Variants in NLRP1 observed in about 807,000 individuals in gnomAD.
The protein encoded by NLRP1 is NACHT, LRR and PYD domains-containing protein 1.
A neutral mutation model predicts 136.7 loss-of-function variants in NLRP1; 94 were observed. The ratio of observed to expected loss-of-function variants is 0.69; its 90% CI spans 0.58 to 0.82. The LOEUF (loss-of-function observed/expected upper bound fraction) is 0.82. Ranked by LOEUF, NLRP1 falls within the 40% of genes least tolerant of loss-of-function variation. NLRP1 has a pLI of 0.00. For synonymous variants in NLRP1, 690 were observed against 725.1 expected, an observed-to-expected ratio of 0.95 and a Z score of 0.78; for missense variants, 1,575 against 1,802.7, an observed-to-expected ratio of 0.87 and a Z score of 2.29.
downstream of NLRP1, chr17:5,511,962 G>A: frequency 2.2e-6 from 1 of 460,876 alleles, no homozygotes; most frequent in South Asian, 2.0e-5. Flanking sequence ...CTACAAGGGA[G>A]CCCAGCTGTA....
intron 4 of NLRP1, among the ~76,000 whole-genome samples, chr17:5,558,136 C>T (rs1834190617): frequency 6.6e-6 from 1 of 152,106 alleles, no homozygotes; most frequent in South Asian, 2.1e-4. Flanking sequence ...CAAGCAGGGC[C>T]TGCCCCACAG....
chr17:5,509,135 C>T (rs1315843771), downstream of NLRP1, among the ~76,000 whole-genome samples: 2 of 152,216 alleles, frequency 1.3e-5, no homozygotes, highest in East Asian at 3.9e-4. Context: ...AATAGCACAG[C>T]GTCCATACTA....
At chr17:5,560,246 C>T (rs954850437) in intron 3 of NLRP1, among the ~76,000 whole-genome samples, 2 of 152,222 alleles carry the variant, frequency 1.3e-5, no homozygotes, top group Non-Finnish European at 2.9e-5. Context: ...AAGTCACACT[C>T]CCTGAATGAC....
At chr17:5,581,736 G>A (rs1057496032) in intron 3 of NLRP1, 123 bp downstream of exon 3, 3 of 850,982 alleles carry the variant, frequency 3.5e-6, no homozygotes, top group African/African-American at 1.6e-5. Flanking sequence ...ATTTCCTGAG[G>A]GAAATTTCAG....
intron 7 of NLRP1, among the ~76,000 whole-genome samples, chr17:5,538,004 C>T (rs770285810): frequency 5.9e-5 from 9 of 152,196 alleles, no homozygotes; most frequent in Non-Finnish European, 1.2e-4. Flanking sequence ...CAGGAGAACC[C>T]AAATGTAGAC....
chr17:5,532,501 A>G (rs1910434043), intron 11 of NLRP1, among the ~76,000 whole-genome samples: 1 of 152,214 alleles, frequency 6.6e-6, no homozygotes, highest in Non-Finnish European at 1.5e-5. Flanking sequence ...TGTAACAATA[A>G]CAAAGAGGGG....
At chr17:5,538,657 G>A (rs978005807) in intron 7 of NLRP1, among the ~76,000 whole-genome samples, 2 of 152,102 alleles carry the variant, frequency 1.3e-5, no homozygotes, top group Non-Finnish European at 2.9e-5. Context: ...GTAGGGCAGG[G>A]CCCATGTCTG....
chr17:5,507,133 T>G (rs1238125498), intron 15 of NLRP1, among the ~76,000 whole-genome samples: 1 of 152,064 alleles, frequency 6.6e-6, no homozygotes, highest in Non-Finnish European at 1.5e-5. Context: ...GTACATAATT[T>G]CAATTAAGGA....
rs1216600790 is a variant in NLRP1 at position 5,537,772 on chromosome 17, A to G, written c.2871-832T>C. ...GGTGGAAACCTACTCGGGACTCTAG[A>G]GAGCAAACCCCCTCAGAAGCAGCCC... On this transcript the variant is annotated intron_variant, in intron 7 of 16. Transcript: ENST00000572272. This position sits in a 1 kb window ranked among gnomAD's most constrained non-coding sequence, Gnocchi z 4.5. 6.6e-6 allele frequency among the ~76,000 whole-genome samples: 1 copy of G among 152,194 alleles called. No homozygotes were observed. The highest frequency in any genetic ancestry group is 1.5e-5 in the Non-Finnish European group (1 of 68,022).
At chr17:5,549,311 C>G (rs1268758036) in intron 5 of NLRP1, among the ~76,000 whole-genome samples, 5 of 151,452 alleles carry the variant, frequency 3.3e-5, no homozygotes, top group Non-Finnish European at 7.4e-5. Context: ...CAGGGTCTCC[C>G]TTTGTCACCC....
intron 2 of NLRP1, 62 bp downstream of exon 2, chr17:5,582,607 TG>T: frequency 6.6e-7 from 1 of 1,511,244 alleles, no homozygotes. Context: ...ATCCTCTGGG[TG>T]GGGCCCACCA....
rs536104002 is a variant in NLRP1, at chr17:5,558,098, C to A, written c.2357+241G>T. ...AGGGTAGGAGGAGAGGTGGCAGACA[C>A]GGCAGGGCCCAGTGGCCTCTCCAGA... On this transcript the variant is annotated intron_variant, in intron 4 of 16. Coordinates refer to ENST00000572272, the MANE Select transcript of NLRP1 (RefSeq NM_033004.4). Among the ~76,000 whole-genome samples the A allele has an allele frequency of 1.4e-3, 213 of 152,220 alleles. 1 individual carries two copies. Among genetic ancestry groups the A allele is most frequent in the South Asian group, 0.012 (59 of 4,816 alleles).
intron 5 of NLRP1, among the ~76,000 whole-genome samples, chr17:5,551,751 T>C (rs1205693817): frequency 6.6e-6 from 1 of 152,174 alleles, no homozygotes; most frequent in East Asian, 1.9e-4. Flanking sequence ...TCTTTTCTTT[T>C]TTTCATTAAT....
At chr17:5,505,505 T>G (rs1033191927) in intron 15 of NLRP1, 1 of 152,370 alleles carries the variant, frequency 6.6e-6, no homozygotes, top group Non-Finnish European at 1.5e-5. Context: ...CCCCCTACCC[T>G]CCCTTCCTGC....
chr17:5,509,784 C>T (rs111666201), downstream of NLRP1, among the ~76,000 whole-genome samples: 5,043 of 151,832 alleles, frequency 0.033, 121 homozygotes, highest in East Asian at 0.12. Context: ...AGATTACAGG[C>T]GTGAGTCACC....
intron 3 of NLRP1, among the ~76,000 whole-genome samples, chr17:5,564,652 T>A (rs1482035741): frequency 6.6e-6 from 1 of 152,004 alleles, no homozygotes; most frequent in East Asian, 1.9e-4. Context: ...GCCACAAACA[T>A]AGAAGTGCAT....
At chr17:5,517,348 G>GCC (rs1208250139) in intron 15 of NLRP1, among the ~76,000 whole-genome samples, 19 of 68,804 alleles carry the variant, frequency 2.8e-4, no homozygotes, top group Admixed American at 8.7e-4. Flanking sequence ...AGTGCACTCT[G>GCC]CACCCCCCCC....
intron 6 of NLRP1, 68 bp from the exon 7 acceptor site, chr17:5,539,653 C>T: frequency 6.9e-7 from 1 of 1,442,942 alleles, no homozygotes; most frequent in Non-Finnish European, 9.1e-7. Flanking sequence ...TAACTAGGGT[C>T]TGATCTTCCT....
At chr17:5,562,055 C>T (rs1469425502) in intron 3 of NLRP1, among the ~76,000 whole-genome samples, 1 of 152,124 alleles carries the variant, frequency 6.6e-6, no homozygotes, top group Non-Finnish European at 1.5e-5. Context: ...GGGGTGCAGC[C>T]TCCTGTTACT....
Sources: allele counts gnomAD v4.1 joint callset (sites outside exome capture counted in the v4.1 genomes callset), GRCh38; gene constraint gnomAD v4.1.1; non-coding constraint Gnocchi (gnomAD v3.1); transcripts MANE v1.5; gene names NCBI Gene and HGNC (gene_info 2026-07-23, HGNC 2026-07-21).